The following BNC2 variants were observed in gnomAD, a reference collection of about 807,000 sequenced individuals.
BNC2 encodes basonuclin zinc finger protein 2, also known as zinc finger protein basonuclin-2.
BNC2 carries 20 observed loss-of-function variants against 76.3 expected under a neutral mutation model. The observed-to-expected ratio is 0.26, with a 90% CI of 0.18 to 0.38. The LOEUF is 0.38. Ranked by LOEUF, BNC2 falls within the 10% of genes least tolerant of loss-of-function variation. The probability of loss-of-function intolerance (pLI) is 1.00; values close to 1 mark genes in which losing one functional copy is unlikely to be tolerated. For synonymous variants in BNC2, 582 were observed against 514.8 expected (o/e 1.13, Z -1.77); for missense variants, 1,382 against 1,399.8 (o/e 0.99, Z 0.20).
chr9:16,444,486 A>G (rs1019889228), intron 5 of BNC2, among the ~76,000 whole-genome samples: 16 of 152,160 alleles, frequency 1.1e-4, no homozygotes, highest in African/African-American at 3.6e-4. Flanking sequence ...GTGGACATGT[A>G]TCAGAATGTG....
chr9:16,683,820 C>T (rs1822894998), intron 3 of BNC2, among the ~76,000 whole-genome samples: 1 of 152,138 alleles, frequency 6.6e-6, no homozygotes, highest in African/African-American at 2.4e-5. Context: ...AAGTGGGTCC[C>T]AGCTACTTGA....
rs190801036 is a variant in BNC2, at chr9:16,541,368, G to T, written c.669+11162C>A. ...TGAATTGGAACCCTGATTCAGAATT[G>T]AAAAGCTCCCAGAACTGCCTCTATG... On this transcript the variant is annotated intron_variant, in intron 5 of 6. Coordinates refer to ENST00000380672, the MANE Select transcript of BNC2 (RefSeq NM_017637.6). Among the ~76,000 whole-genome samples, 451 of 152,340 alleles carry T rather than the reference G, an allele frequency of 3.0e-3. 1 individual carries two copies. Among genetic ancestry groups the T allele is most frequent in the Admixed American group, 4.2e-3 (64 of 15,306 alleles).
chr9:16,497,584 G>C (rs1822416149), intron 5 of BNC2, among the ~76,000 whole-genome samples: 1 of 152,120 alleles, frequency 6.6e-6, no homozygotes, highest in Non-Finnish European at 1.5e-5. Flanking sequence ...TGGTGGGGGA[G>C]ATGGGTATAA....
At chr9:16,545,969 G>A (rs776953564) in intron 5 of BNC2, among the ~76,000 whole-genome samples, 5 of 152,196 alleles carry the variant, frequency 3.3e-5, no homozygotes, top group Non-Finnish European at 7.3e-5. Context: ...CTTCTGCTGT[G>A]TTATGCCACT....
intron 5 of BNC2, among the ~76,000 whole-genome samples, chr9:16,507,629 A>T (rs1184599341): frequency 6.6e-6 from 1 of 152,012 alleles, no homozygotes; most frequent in African/African-American, 2.4e-5. Flanking sequence ...GGGTTTCATT[A>T]TGTTGGCCAG....
chr9:16,659,105 G>C (rs1447403964), intron 3 of BNC2, among the ~76,000 whole-genome samples: 1 of 151,830 alleles, frequency 6.6e-6, no homozygotes, highest in Non-Finnish European at 1.5e-5. Context: ...TGGCTGAATG[G>C]ATGGATAGAT....
chr9:16,437,075 G>C lies in BNC2; in HGVS notation c.1119C>G (p.Pro373=). The change falls in exon 6 of 7, where the codon CCC becomes CCG. Residue 373 remains proline, a synonymous_variant. Transcript: ENST00000380672. ...GTGTTTGATCATTCTTATAAGGTGT[G>C]GGAGAAACTTCGGATTCGCTGCTCT... ...YNESSESEVS[P]TPYKNDQTPN... The C allele has an allele frequency of 6.2e-7, 1 of 1,614,088 alleles. No homozygotes were observed. The highest frequency in any genetic ancestry group is 8.5e-7 in the Non-Finnish European group (1 of 1,180,018).
chr9:16,777,499 G>C lies in BNC2; in HGVS notation c.4-39014C>G, dbSNP rs367840753. On this transcript the variant is annotated intron_variant, in intron 1 of 6. Transcript: ENST00000380672. ...GCAGATCACGAGGTCAGGAGATCGA[G>C]ACCATCCTGGCTTACACAGTGAAAC... is the stretch of plus-strand genomic sequence containing the variant. Among the ~76,000 whole-genome samples the C allele has an allele frequency of 1.4e-3, 220 of 152,136 alleles. 1 individual carries two copies. Among genetic ancestry groups the C allele is most frequent in the African/African-American group, 5.3e-3 (218 of 41,506 alleles).
In BNC2 at chr9:16,456,260, A is replaced by C. The variant is rs149933614; in HGVS notation, c.670-18736T>G. ...ATTTTTGTCACCTAATCTTTCTTTC[A>C]GCATCTGTTTTTATGGAGTCTCAAA... On this transcript the variant is annotated intron_variant, in intron 5 of 6. Transcript: ENST00000380672. 1.1e-4 allele frequency among the ~76,000 whole-genome samples: 16 copies of C among 152,276 alleles called. 1 individual carries two copies. In the East Asian group the frequency reaches 2.9e-3, roughly 28 times the overall value.
intron 3 of BNC2, among the ~76,000 whole-genome samples, chr9:16,647,697 G>T (rs1013742971): frequency 1.3e-5 from 2 of 152,110 alleles, no homozygotes; most frequent in Non-Finnish European, 2.9e-5. Flanking sequence ...AATTTTTCAA[G>T]TAAAATATAA....
intron 1 of BNC2, among the ~76,000 whole-genome samples, chr9:16,829,382 T>C (rs1038267240): frequency 6.6e-6 from 1 of 152,342 alleles, no homozygotes; most frequent in South Asian, 2.1e-4. Flanking sequence ...ACTCAAGCAC[T>C]CTTTTTATTA....
chr9:16,608,726 T>C (rs1394959676), intron 3 of BNC2, among the ~76,000 whole-genome samples: 2 of 152,032 alleles, frequency 1.3e-5, no homozygotes, highest in Admixed American at 1.3e-4. Flanking sequence ...AATTACTTAA[T>C]AGATAAGTTG....
chr9:16,846,319 G>A (rs1328842273), intron 1 of BNC2, among the ~76,000 whole-genome samples: 2 of 152,114 alleles, frequency 1.3e-5, no homozygotes, highest in East Asian at 1.9e-4. Flanking sequence ...ATCAATAACA[G>A]AACTGTACAA....
intron 4 of BNC2, among the ~76,000 whole-genome samples, chr9:16,559,525 C>G (rs1293003850): frequency 2.0e-5 from 3 of 152,178 alleles, no homozygotes; most frequent in Non-Finnish European, 2.9e-5. Context: ...CAACTTCATT[C>G]AAGAAAATTC....
chr9:16,856,798 T>C (rs544622107), intron 1 of BNC2, among the ~76,000 whole-genome samples: 8 of 152,312 alleles, frequency 5.3e-5, no homozygotes, highest in East Asian at 1.9e-4. Flanking sequence ...AACTATCACA[T>C]TGTACTTCCA....
intron 3 of BNC2, chr9:16,727,563 C>CTTTCTTTTACTTCGGTATCCTTTCCCCTT: frequency 1.9e-6 from 1 of 534,934 alleles, no homozygotes; most frequent in South Asian, 2.6e-5. Flanking sequence ...AATGTCTCTG[C>CTTTCTTTTACTTCGGTATCCTTTCCCCTT]TTTCTTTTAC....
intron 1 of BNC2, among the ~76,000 whole-genome samples, chr9:16,848,019 A>G (rs1349666110): frequency 6.6e-6 from 1 of 152,222 alleles, no homozygotes; most frequent in Non-Finnish European, 1.5e-5. Context: ...GTTCAAAGAC[A>G]ATGAAACCTA....
intron 1 of BNC2, among the ~76,000 whole-genome samples, chr9:16,740,895 T>C (rs527923514): frequency 3.3e-5 from 5 of 152,096 alleles, no homozygotes; most frequent in African/African-American, 9.6e-5. Context: ...AGGTAAGAGA[T>C]ACAGAAAAAA....
intron 5 of BNC2, among the ~76,000 whole-genome samples, chr9:16,449,288 G>C (rs150371805): frequency 1.1e-3 from 168 of 152,262 alleles, no homozygotes; most frequent in Non-Finnish European, 1.8e-3. Flanking sequence ...ACTTTTACAA[G>C]TGTATATTCA....
Sources: gnomAD v4.1 joint callset for allele counts (sites outside exome capture counted in the v4.1 genomes callset) on GRCh38, gnomAD v4.1.1 for gene constraint, MANE v1.5 for transcripts, NCBI Gene and HGNC (gene_info 2026-07-23, HGNC 2026-07-21) for gene names.